The following ALG12 variants were observed in gnomAD, a reference collection of about 807,000 sequenced individuals.
ALG12 encodes ALG12 alpha-1,6-mannosyltransferase, also known as dol-P-Man:Man(7)GlcNAc(2)-PP-Dol alpha-1,6-mannosyltransferase.
A neutral mutation model predicts 46.0 loss-of-function variants in ALG12; 36 were observed. The observed-to-expected ratio is 0.78, with a 90% CI of 0.60 to 1.03. The LOEUF (loss-of-function observed/expected upper bound fraction) is 1.03. ALG12 is among the 50% of genes least tolerant of loss of function. ALG12 has a pLI of 0.00. For synonymous variants in ALG12, 326 were observed against 291.6 expected, an observed-to-expected ratio of 1.12 and a Z score of -1.20; for missense variants, 599 against 633.5, an observed-to-expected ratio of 0.95 and a Z score of 0.58.
chr22:49,874,813 G>A, the ALG12 span, among the ~76,000 whole-genome samples: 1 of 150,328 alleles, frequency 6.7e-6, no homozygotes, highest in African/African-American at 2.4e-5. Context: ...CTCCTGAGTA[G>A]CTGGGAAAAC....
In ALG12 at chr22:49,901,900, GTA is replaced by G. The variant is rs2060510295; in HGVS notation, c.*1936_*1937del. Reference sequence around the variant, plus strand: ...TGGTGTGTGCACGTGTGCACTGTGTGTATGCATGGTAATGTGCACGCATGCAC... The same window carrying G: ...TGGTGTGTGCACGTGTGCACTGTGTGTGCATGGTAATGTGCACGCATGCAC... On this transcript the variant is annotated 3_prime_UTR_variant, in exon 10 of 10. Coordinates refer to ENST00000330817, the MANE Select transcript of ALG12 (RefSeq NM_024105.4). 2 of 140,018 alleles carry G rather than the reference GTA, an allele frequency of 1.4e-5. No homozygotes were observed. Among genetic ancestry groups the G allele is most frequent in the Admixed American group, 7.0e-5 (1 of 14,230 alleles). 8.7% of individuals were successfully genotyped at this position (140,018 alleles called of 1,614,324 possible). A position where few individuals can be genotyped will look rare whatever the true frequency, so the allele number is the denominator to read the frequency against.
chr22:49,881,343 G>A, the ALG12 span, among the ~76,000 whole-genome samples: 2 of 152,226 alleles, frequency 1.3e-5, no homozygotes, highest in Admixed American at 6.5e-5. Context: ...AGAGTGATCC[G>A]TCTCAAAAAA....
At chr22:49,872,380 T>C in the ALG12 span, among the ~76,000 whole-genome samples, 8 of 152,334 alleles carry the variant, frequency 5.3e-5, no homozygotes, top group South Asian at 1.7e-3. Flanking sequence ...TGTATAATTC[T>C]AGTTTTTGCC....
At chr22:49,870,376 T>A in the ALG12 span, among the ~76,000 whole-genome samples, 671 of 152,324 alleles carry the variant, frequency 4.4e-3, 5 homozygotes, top group African/African-American at 0.015. Flanking sequence ...GGTAGCTCTG[T>A]TTTTAGTTCT....
At chr22:49,899,095 GC>G (rs1348355500), downstream of ALG12, among the ~76,000 whole-genome samples, 6 of 152,130 alleles carry the variant, frequency 3.9e-5, no homozygotes, top group Non-Finnish European at 8.8e-5. Flanking sequence ...TTTGAGACTA[GC>G]CTAGGCAACA....
chr22:49,917,457 G>T (rs1458517877), intron 1 of ALG12, among the ~76,000 whole-genome samples: 1 of 152,174 alleles, frequency 6.6e-6, no homozygotes, highest in African/African-American at 2.4e-5. Flanking sequence ...GATCGCTTGA[G>T]GTCAGGACTT....
In ALG12 at chr22:49,901,704, G is replaced by A. The variant is rs994048647; in HGVS notation, c.*2134C>T. On this transcript the variant is annotated 3_prime_UTR_variant, in exon 10 of 10. Transcript: ENST00000330817. The stretch of plus-strand genomic sequence containing the variant: ...TGTGCGCATCTGTGCATTGTGTGTG[G>A]ATGCATGTGTGGTGTGTATGCATGG... The A allele has an allele frequency of 2.1e-5, 3 of 145,274 alleles. No homozygotes were observed. In the East Asian group the frequency reaches 6.1e-4, roughly 29 times the overall value. 9.0% of individuals were successfully genotyped at this position (145,274 alleles called of 1,614,324 possible). A position where few individuals can be genotyped will look rare whatever the true frequency, so the allele number is the denominator to read the frequency against.
At chr22:49,908,941 G>A in intron 6 of ALG12, among the ~76,000 whole-genome samples, 1 of 141,328 alleles carries the variant, frequency 7.1e-6, no homozygotes, top group African/African-American at 2.7e-5. Flanking sequence ...GACAGAGCGA[G>A]ACTCAGTCTC....
At chr22:49,887,033 G>GC in the ALG12 span, 3 of 1,614,100 alleles carry the variant, frequency 1.9e-6, no homozygotes. Context: ...TTTTTGGGCT[G>GC]CCCCCCAAGC....
the ALG12 span, among the ~76,000 whole-genome samples, chr22:49,863,643 G>C: frequency 1.3e-5 from 2 of 148,158 alleles, no homozygotes; most frequent in African/African-American, 5.0e-5. Context: ...AAAAAAAAAA[G>C]TGTGATGTTC....
chr22:49,885,581 C>T, the ALG12 span: 7 of 1,604,818 alleles, frequency 4.4e-6, no homozygotes, highest in South Asian at 1.1e-5. Flanking sequence ...GGCGCTTCCT[C>T]TTTTGATGAC....
Position 49,905,259 on chromosome 22 carries a change from C to T in ALG12, c.993-753G>A, listed in dbSNP as rs774736991. ...AGGCTCTTTATTAGCTGGTCCTTAACGGAAAAGCTTGCCAACCCTGGTCTA... is the reference window on the plus strand; with the variant it reads ...AGGCTCTTTATTAGCTGGTCCTTAATGGAAAAGCTTGCCAACCCTGGTCTA... On this transcript the variant is annotated intron_variant, in intron 7 of 9. Transcript: ENST00000330817. This position sits in a 1 kb window ranked among gnomAD's most constrained non-coding sequence, Gnocchi z 4.9. 2.0e-5 allele frequency among the ~76,000 whole-genome samples: 3 copies of T among 152,176 alleles called. No homozygotes were observed. Among genetic ancestry groups the T allele is most frequent in the East Asian group, 1.9e-4 (1 of 5,184 alleles).
chr22:49,917,698 G>A (rs1201340550), intron 1 of ALG12, among the ~76,000 whole-genome samples: 1 of 118,248 alleles, frequency 8.5e-6, no homozygotes, highest in Admixed American at 7.7e-5. Context: ...GGTCAAATCA[G>A]ATGTTACTTT....
chr22:49,916,952 G>A (rs9616375), intron 1 of ALG12, among the ~76,000 whole-genome samples: 18,802 of 152,202 alleles, frequency 0.12, 1,200 homozygotes, highest in South Asian at 0.15. Context: ...AAAACATTAC[G>A]TGCTGACTCT....
chr22:49,885,697 G>C, the ALG12 span: 2 of 1,610,314 alleles, frequency 1.2e-6, no homozygotes, highest in African/African-American at 1.3e-5. Flanking sequence ...TGTAGACAAC[G>C]TTGGCTTTAA....
the ALG12 span, among the ~76,000 whole-genome samples, chr22:49,862,693 CTTTTTTT>C: frequency 1.9e-4 from 11 of 58,988 alleles, no homozygotes; most frequent in African/African-American, 3.4e-4. Context: ...TAAGTTTTTC[CTTTTTTT>C]TTTTTTTTTT....
At chr22:49,869,933 A>G in the ALG12 span, among the ~76,000 whole-genome samples, 2 of 152,148 alleles carry the variant, frequency 1.3e-5, no homozygotes, top group Non-Finnish European at 2.9e-5. Flanking sequence ...ATGGTACTCA[A>G]TAGGTTGTTT....
chr22:49,904,705 C>T (rs2060533712), intron 7 of ALG12, 199 bp from the exon 8 acceptor site: 2 of 607,584 alleles, frequency 3.3e-6, no homozygotes, highest in African/African-American at 1.9e-5. Flanking sequence ...GAAATTCTAC[C>T]CAAGATGCCA....
At chr22:49,897,663 CTTTT>C (rs146468551), downstream of ALG12, among the ~76,000 whole-genome samples, 168 of 103,624 alleles carry the variant, frequency 1.6e-3, no homozygotes, top group African/African-American at 5.4e-3. Context: ...CCCATGTTTT[CTTTT>C]TTTTTTTTTT....
Sources: gnomAD v4.1 joint callset for allele counts (sites outside exome capture counted in the v4.1 genomes callset) on GRCh38, gnomAD v4.1.1 for gene constraint, Gnocchi (gnomAD v3.1) non-coding constraint, MANE v1.5 for transcripts, NCBI Gene and HGNC (gene_info 2026-07-23, HGNC 2026-07-21) for gene names.